The following PRKN variants were observed in gnomAD, a reference collection of about 807,000 sequenced individuals.
PRKN encodes parkin RBR E3 ubiquitin protein ligase.
PRKN carries 56 observed loss-of-function variants against 59.5 expected under a neutral mutation model. The ratio of observed to expected loss-of-function variants is 0.94; its 90% CI spans 0.76 to 1.18. PRKN has a LOEUF of 1.18. PRKN is among the 50% of genes most tolerant of loss of function. The pLI is 0.00. For missense variants in PRKN, 657 were observed against 596.4 expected, an observed-to-expected ratio of 1.10 and a Z score of -1.06; for synonymous variants, 250 against 222.1, an observed-to-expected ratio of 1.13 and a Z score of -1.12.
At chr6:162,468,361 G>A (rs1346768961) in intron 1 of PRKN, among the ~76,000 whole-genome samples, 5 of 152,134 alleles carry the variant, frequency 3.3e-5, no homozygotes, top group Admixed American at 3.3e-4. Flanking sequence ...ATTAATATTT[G>A]CATATAATAA....
chr6:162,572,884 TC>T (rs55872267), intron 1 of PRKN, among the ~76,000 whole-genome samples: 31,243 of 151,986 alleles, frequency 0.21, 3,555 homozygotes, highest in East Asian at 0.48. Context: ...CCCCTGGGGC[TC>T]TTCCCTTTGC....
At chr6:161,896,806 AT>A (rs1399153923) in intron 6 of PRKN, among the ~76,000 whole-genome samples, 1 of 152,088 alleles carries the variant, frequency 6.6e-6, no homozygotes, top group Admixed American at 6.5e-5. Context: ...CTGAAATTAA[AT>A]TTGGAACAAT....
At chr6:161,437,427 G>A (rs1164052804) in intron 9 of PRKN, among the ~76,000 whole-genome samples, 4 of 152,116 alleles carry the variant, frequency 2.6e-5, no homozygotes, top group Non-Finnish European at 5.9e-5. Flanking sequence ...GTGTTGAGCT[G>A]GTATTTTCCA....
At chr6:162,163,969 C>T (rs967178432) in intron 4 of PRKN, among the ~76,000 whole-genome samples, 6 of 148,886 alleles carry the variant, frequency 4.0e-5, no homozygotes, top group Non-Finnish European at 7.4e-5. Context: ...TAAGAATACA[C>T]ACATGTGAAA....
At chr6:161,897,971 A>ATAAAT (rs1197781389) in intron 6 of PRKN, among the ~76,000 whole-genome samples, 1 of 140,378 alleles carries the variant, frequency 7.1e-6, no homozygotes, top group African/African-American at 2.7e-5. Context: ...CGTCTCAAAA[A>ATAAAT]AAAAAAAAAA....
intron 3 of PRKN, among the ~76,000 whole-genome samples, chr6:162,216,158 A>C (rs1161416341): frequency 6.6e-6 from 1 of 152,174 alleles, no homozygotes; most frequent in Non-Finnish European, 1.5e-5. Flanking sequence ...TCATTGTCTG[A>C]AAGGCCATCT....
intron 5 of PRKN, among the ~76,000 whole-genome samples, chr6:162,048,972 G>A (rs1777505936): frequency 6.6e-6 from 1 of 152,042 alleles, no homozygotes; most frequent in African/African-American, 2.4e-5. Flanking sequence ...TATATCCTTT[G>A]AGCTGACCGG....
At chr6:162,424,764 A>G (rs1184953713) in intron 2 of PRKN, among the ~76,000 whole-genome samples, 1 of 151,554 alleles carries the variant, frequency 6.6e-6, no homozygotes, top group African/African-American at 2.4e-5. Flanking sequence ...AAAAGAAAAG[A>G]AATGTACCAC....
At chr6:162,398,737 A>G in intron 2 of PRKN, among the ~76,000 whole-genome samples, 1 of 152,208 alleles carries the variant, frequency 6.6e-6, no homozygotes, top group East Asian at 1.9e-4. Context: ...ATTTTCAGGG[A>G]AACAAATATG....
intron 2 of PRKN, among the ~76,000 whole-genome samples, chr6:162,349,544 C>T (rs752070391): frequency 8.5e-5 from 13 of 152,062 alleles, no homozygotes; most frequent in Non-Finnish European, 1.6e-4. Context: ...AATACCAAAA[C>T]CAGATAAAAT....
chr6:162,711,512 G>A (rs1054750611), intron 1 of PRKN, among the ~76,000 whole-genome samples: 3 of 151,330 alleles, frequency 2.0e-5, no homozygotes, highest in Non-Finnish European at 2.9e-5. Context: ...TCTCCCAAAC[G>A]TGGCCCTTCC....
intron 6 of PRKN, among the ~76,000 whole-genome samples, chr6:161,895,286 C>G (rs1045418465): frequency 6.6e-6 from 1 of 152,144 alleles, no homozygotes; most frequent in Non-Finnish European, 1.5e-5. Context: ...ACACTAGAGT[C>G]GGCAAGAGGA....
At chr6:161,630,227 A>G (rs1053215434) in intron 7 of PRKN, among the ~76,000 whole-genome samples, 6 of 152,136 alleles carry the variant, frequency 3.9e-5, no homozygotes, top group Non-Finnish European at 8.8e-5. Flanking sequence ...TTGAGCTTTG[A>G]AGGTCTGACA....
At chr6:162,548,216 C>T (rs530691211) in intron 1 of PRKN, among the ~76,000 whole-genome samples, 3 of 152,112 alleles carry the variant, frequency 2.0e-5, no homozygotes, top group South Asian at 2.1e-4. Flanking sequence ...CACGCCACTA[C>T]GCCCAGCTAA....
At chr6:162,589,561 A>G (rs962208976) in intron 1 of PRKN, among the ~76,000 whole-genome samples, 2 of 151,358 alleles carry the variant, frequency 1.3e-5, no homozygotes, top group African/African-American at 2.4e-5. Flanking sequence ...TTAAAATTTA[A>G]TATGTGTTTT....
intron 6 of PRKN, among the ~76,000 whole-genome samples, chr6:161,854,855 C>T (rs1239458252): frequency 1.3e-5 from 2 of 151,800 alleles, no homozygotes; most frequent in Non-Finnish European, 2.9e-5. Context: ...GAGGCCGAGG[C>T]GGGTGGATCA....
At chr6:162,025,103 C>T (rs2128277292) in intron 5 of PRKN, among the ~76,000 whole-genome samples, 1 of 151,250 alleles carries the variant, frequency 6.6e-6, no homozygotes, top group Non-Finnish European at 1.5e-5. Flanking sequence ...GCAAGCTCCA[C>T]CTCCTGGGTC....
intron 6 of PRKN, among the ~76,000 whole-genome samples, chr6:161,938,839 T>C (rs770184663): frequency 1.1e-4 from 17 of 152,184 alleles, no homozygotes; most frequent in Non-Finnish European, 1.8e-4. Context: ...AAAAACCACT[T>C]TGCATTTATT....
At chr6:162,361,211 G>A (rs1463990352) in intron 2 of PRKN, among the ~76,000 whole-genome samples, 1 of 152,086 alleles carries the variant, frequency 6.6e-6, no homozygotes, top group East Asian at 1.9e-4. Context: ...TGCATTTGGA[G>A]TGGCTCATTA....
Sources: allele counts gnomAD v4.1 joint callset (sites outside exome capture counted in the v4.1 genomes callset), GRCh38; gene constraint gnomAD v4.1.1; transcripts MANE v1.5; gene names NCBI Gene and HGNC (gene_info 2026-07-23, HGNC 2026-07-21).